The following NHLRC2 variants were observed in gnomAD, a reference collection of about 807,000 sequenced individuals.
NHLRC2 encodes NHL repeat containing 2.
A neutral mutation model predicts 68.1 loss-of-function variants in NHLRC2; 33 were observed. That is an observed-to-expected ratio of 0.48 (90% CI 0.37 to 0.65). The LOEUF (loss-of-function observed/expected upper bound fraction) is 0.65, where lower values mean the gene tolerates loss of function less well. Ranked by LOEUF, NHLRC2 falls within the 30% of genes least tolerant of loss-of-function variation. The probability of loss-of-function intolerance (pLI) is 0.00; values close to 1 mark genes in which losing one functional copy is unlikely to be tolerated. For missense variants in NHLRC2, 761 were observed against 853.8 expected, an observed-to-expected ratio of 0.89 and a Z score of 1.35; for synonymous variants, 311 against 309.6, an observed-to-expected ratio of 1.00 and a Z score of -0.05.
intron 3 of NHLRC2, 70 bp from the exon 4 acceptor site, chr10:113,879,504 A>T: frequency 7.7e-7 from 1 of 1,305,160 alleles, no homozygotes; most frequent in Non-Finnish European, 1.1e-6. Flanking sequence ...CATTAAATAC[A>T]AGTTTGTTTT....
chr10:113,906,802 A>G lies in NHLRC2; in HGVS notation c.1925-1478A>G, dbSNP rs189307525. ...CAGGAGATCGAGACCATCCTGGCTA[A>G]CACGGTGAAACCCATCTCTACTAAA... On this transcript the variant is annotated intron_variant, in intron 10 of 10. Transcript: ENST00000369301. Among the ~76,000 whole-genome samples, 253 of 152,336 alleles carry G rather than the reference A, an allele frequency of 1.7e-3. 1 individual carries two copies. Among genetic ancestry groups the G allele is most frequent in the African/African-American group, 6.0e-3 (248 of 41,560 alleles).
At position 113,876,529 on chromosome 10, in the gene NHLRC2, CTTA is replaced by C; in HGVS notation, c.346_348del (p.Ile116del). The C allele has an allele frequency of 6.3e-7, 1 of 1,575,976 alleles. No homozygotes were observed. ...TAATTTTTTCCTTTCAGATGGTCTT[CTTA>C]TTATTGGTGTTCACTCGGCTAAGTT... On this transcript the variant is annotated inframe_deletion, in exon 3 of 11. Transcript: ENST00000369301.
intron 2 of NHLRC2, 29 bp downstream of exon 2, chr10:113,858,709 G>GAC: frequency 6.4e-7 from 1 of 1,563,694 alleles, no homozygotes; most frequent in South Asian, 1.1e-5. Flanking sequence ...GTTTCTAACA[G>GAC]ACTGTCCTGG....
intron 10 of NHLRC2, among the ~76,000 whole-genome samples, chr10:113,907,497 A>G (rs542491440): frequency 6.6e-6 from 1 of 152,276 alleles, no homozygotes; most frequent in East Asian, 1.9e-4. Flanking sequence ...GAATGTCTGT[A>G]TGTGTCTGTG....
At chr10:113,888,194 A>AAAGGGTAC (rs1260511985) in intron 5 of NHLRC2, among the ~76,000 whole-genome samples, 3 of 152,236 alleles carry the variant, frequency 2.0e-5, no homozygotes, top group African/African-American at 7.2e-5. Context: ...GAGGTTGATC[A>AAAGGGTAC]AAGGGTACAA....
chr10:113,874,436 ATGTGTTTGTGTGTG>A (rs1259141415), intron 2 of NHLRC2, among the ~76,000 whole-genome samples: 6 of 108,552 alleles, frequency 5.5e-5, no homozygotes, highest in African/African-American at 2.1e-4. Context: ...CTTTCAAGGC[ATGTGTTTGTGTGTG>A]TGTGTGTGTG....
At position 113,916,264 on chromosome 10, in the gene NHLRC2, A is replaced by T. The variant is rs1413235199; in HGVS notation, c.*7728A>T. 6.6e-6 allele frequency: 1 copy of T among 152,186 alleles called. No homozygotes were observed. Among genetic ancestry groups the T allele is most frequent in the African/African-American group, 2.4e-5 (1 of 41,442 alleles). The allele number at this position is 152,186 out of a possible 1,614,324, so 9.4% of individuals were successfully genotyped here. On this transcript the variant is annotated 3_prime_UTR_variant, in exon 11 of 11. Transcript: ENST00000369301. ...GCATGCCTGTGATATTCATCATCAA[A>T]ATATACCTGTAAAAAATAAACTACT...
chr10:113,896,993 C>CA (rs1166918337), intron 5 of NHLRC2, among the ~76,000 whole-genome samples: 5,399 of 73,204 alleles, frequency 0.074, 119 homozygotes, highest in Middle Eastern at 0.12. Flanking sequence ...GACTCCGCCT[C>CA]AAAAAAAAAA....
chr10:113,879,431 T>C, intron 3 of NHLRC2, 143 bp from the exon 4 acceptor site: 1 of 672,386 alleles, frequency 1.5e-6, no homozygotes, highest in South Asian at 1.9e-5. Context: ...TTAAGAAAAA[T>C]GTTCCTTGGG....
intron 6 of NHLRC2, 152 bp downstream of exon 6, chr10:113,898,361 G>A (rs1846195034): frequency 1.9e-6 from 1 of 519,718 alleles, no homozygotes; most frequent in Non-Finnish European, 3.6e-6. Context: ...CTTAAAACAA[G>A]GCGTGTTTAT....
chr10:113,888,969 GGTGT>G (rs1846106124), intron 5 of NHLRC2, among the ~76,000 whole-genome samples: 1 of 151,776 alleles, frequency 6.6e-6, no homozygotes, highest in Non-Finnish European at 1.5e-5. Flanking sequence ...TGAGATTACA[GGTGT>G]GCACCACCAT....
intron 10 of NHLRC2, 114 bp from the exon 11 acceptor site, chr10:113,908,166 A>G: frequency 1.3e-6 from 1 of 756,030 alleles, no homozygotes; most frequent in South Asian, 1.8e-5. Flanking sequence ...AATGCCTGGC[A>G]CTTAGAGATT....
At chr10:113,863,703 G>GA (rs1402801130) in intron 2 of NHLRC2, among the ~76,000 whole-genome samples, 1 of 152,032 alleles carries the variant, frequency 6.6e-6, no homozygotes, top group African/African-American at 2.4e-5. Flanking sequence ...AAAAGTACCA[G>GA]AAAAATTCCT....
rs575354501 is a variant in NHLRC2, at chr10:113,892,989, A to G, written c.1040-5121A>G. Among the ~76,000 whole-genome samples the G allele has an allele frequency of 4.6e-5, 7 of 152,334 alleles. No homozygotes were observed. The East Asian group carries it at 1.2e-3, about 25-fold the overall frequency. On this transcript the variant is annotated intron_variant, in intron 5 of 10. Coordinates refer to ENST00000369301, the MANE Select transcript of NHLRC2 (RefSeq NM_198514.4). The stretch of plus-strand genomic sequence containing the variant: ...ATGTTTGCTATTATCACTGTTTTCT[A>G]TAAGATAAGAATTTTGTCATAAAGT...
chr10:113,856,191 G>A (rs372241494), intron 1 of NHLRC2, among the ~76,000 whole-genome samples: 2 of 152,208 alleles, frequency 1.3e-5, no homozygotes, highest in Admixed American at 1.3e-4. Context: ...AAATGAAAAC[G>A]TATTTTACCT....
intron 3 of NHLRC2, among the ~76,000 whole-genome samples, chr10:113,877,178 A>T (rs1845991749): frequency 6.6e-6 from 1 of 152,088 alleles, no homozygotes. Context: ...AAACAAACAA[A>T]AACACTGAAA....
chr10:113,858,390 C>T, intron 1 of NHLRC2, 138 bp from the exon 2 acceptor site: 3 of 582,426 alleles, frequency 5.2e-6, no homozygotes, highest in East Asian at 2.8e-5. Flanking sequence ...GCAACTGCCA[C>T]AGCCTTTATA....
intron 2 of NHLRC2, among the ~76,000 whole-genome samples, chr10:113,874,746 ATCT>A (rs923488756): frequency 6.6e-6 from 1 of 150,972 alleles, no homozygotes; most frequent in African/African-American, 2.4e-5. Flanking sequence ...TTTTTTTTCA[ATCT>A]TCTTTCTCTC....
chr10:113,908,054 A>G (rs1485175070), intron 10 of NHLRC2, among the ~76,000 whole-genome samples: 2 of 152,190 alleles, frequency 1.3e-5, no homozygotes. Context: ...ATAGTATCCA[A>G]AGGAAGAACT....
Sources: gnomAD v4.1 joint callset for allele counts (sites outside exome capture counted in the v4.1 genomes callset) on GRCh38, gnomAD v4.1.1 for gene constraint, MANE v1.5 for transcripts, NCBI Gene and HGNC (gene_info 2026-07-23, HGNC 2026-07-21) for gene names.